Variants in JARID2 observed in about 807,000 individuals in gnomAD.
JARID2 encodes the protein jumonji and AT-rich interaction domain containing 2.
A neutral mutation model predicts 125.6 loss-of-function variants in JARID2; 21 were observed. That is an observed-to-expected ratio of 0.17 (90% CI 0.12 to 0.24). The LOEUF is 0.24. JARID2 is among the 10% of genes least tolerant of loss of function. The probability of loss-of-function intolerance (pLI) is 1.00; values close to 1 mark genes in which losing one functional copy is unlikely to be tolerated. For missense variants in JARID2, 1,303 were observed against 1,639.6 expected (o/e 0.79, Z 3.55); for synonymous variants, 736 against 661.6 (o/e 1.11, Z -1.73).
At chr6:15,464,044 G>A (rs1035707625) in intron 4 of JARID2, among the ~76,000 whole-genome samples, 4 of 152,168 alleles carry the variant, frequency 2.6e-5, no homozygotes, top group Middle Eastern at 3.4e-3. Context: ...TAGATGCTTT[G>A]TGTCTTATGC....
intron 8 of JARID2, 113 bp downstream of exon 8, chr6:15,501,522 T>TAAAG: frequency 9.4e-7 from 1 of 1,058,836 alleles, no homozygotes; most frequent in Non-Finnish European, 1.3e-6. Flanking sequence ...CCTGGGGTGA[T>TAAAG]GAGGGGGCGG....
chr6:15,250,569 A>T (rs1417534345), intron 1 of JARID2, among the ~76,000 whole-genome samples: 1 of 152,238 alleles, frequency 6.6e-6, no homozygotes. Flanking sequence ...GACACAATGA[A>T]GTCCAAAGTG....
At chr6:15,514,393 G>T (rs937494236) in intron 16 of JARID2, among the ~76,000 whole-genome samples, 4 of 152,236 alleles carry the variant, frequency 2.6e-5, no homozygotes, top group Non-Finnish European at 4.4e-5. Flanking sequence ...CCTAGCTTAG[G>T]AGGTGCCCAC....
intron 1 of JARID2, among the ~76,000 whole-genome samples, chr6:15,371,883 C>G (rs899730391): frequency 6.6e-6 from 1 of 152,158 alleles, no homozygotes; most frequent in Non-Finnish European, 1.5e-5. Flanking sequence ...GGATGTACCT[C>G]CTTCTTCTAG....
chr6:15,434,419 A>G (rs1767115788), intron 3 of JARID2, among the ~76,000 whole-genome samples: 1 of 152,082 alleles, frequency 6.6e-6, no homozygotes, highest in African/African-American at 2.4e-5. Flanking sequence ...GGGGAGAGAG[A>G]TTTTCAGAAA....
chr6:15,393,102 C>T (rs1336512442), intron 2 of JARID2, among the ~76,000 whole-genome samples: 2 of 152,164 alleles, frequency 1.3e-5, no homozygotes, highest in East Asian at 3.9e-4. Flanking sequence ...TGAAATTCTT[C>T]CTGTGTATCC....
At chr6:15,308,589 T>A (rs1258832131) in intron 1 of JARID2, among the ~76,000 whole-genome samples, 1 of 152,202 alleles carries the variant, frequency 6.6e-6, no homozygotes, top group Non-Finnish European at 1.5e-5. Context: ...CTGAATACCT[T>A]CCTTCCTTAA....
At chr6:15,352,291 A>G (rs1763456139) in intron 1 of JARID2, among the ~76,000 whole-genome samples, 1 of 152,044 alleles carries the variant, frequency 6.6e-6, no homozygotes, top group Non-Finnish European at 1.5e-5. Flanking sequence ...CTCTCTTGTT[A>G]AGAAACTATG....
intron 3 of JARID2, among the ~76,000 whole-genome samples, chr6:15,446,627 A>ATCCCATACAC (rs112401476): frequency 6.6e-5 from 10 of 152,166 alleles, no homozygotes; most frequent in South Asian, 2.1e-4. Context: ...ACTCTATGGG[A>ATCCCATACAC]TCCCATACAC....
chr6:15,359,511 C>A (rs1190144365), intron 1 of JARID2, among the ~76,000 whole-genome samples: 1 of 152,118 alleles, frequency 6.6e-6, no homozygotes, highest in Non-Finnish European at 1.5e-5. Flanking sequence ...TTTTTAGCTA[C>A]CCGCGTGGGC....
At chr6:15,504,133 C>CTGTT (rs139096317) in intron 8 of JARID2, among the ~76,000 whole-genome samples, 23,005 of 152,260 alleles carry the variant, frequency 0.15, 1,911 homozygotes, top group Middle Eastern at 0.2. Flanking sequence ...CGCTGGCCCG[C>CTGTT]AGCAGCCTTT....
chr6:15,369,297 AT>A, intron 1 of JARID2: 1 of 459,298 alleles, frequency 2.2e-6, no homozygotes, highest in Non-Finnish European at 4.5e-6. Context: ...TTTTTTACTA[AT>A]TTTAGTAAAT....
In JARID2 at chr6:15,465,521, C is replaced by T. The variant is rs562304588; in HGVS notation, c.494-3021C>T. Among the ~76,000 whole-genome samples the T allele has an allele frequency of 1.8e-4, 28 of 151,442 alleles. No individual in the cohort carries two copies. The South Asian group carries it at 3.7e-3, about 20-fold the overall frequency. On this transcript the variant is annotated intron_variant, in intron 4 of 17. Coordinates refer to ENST00000341776, the MANE Select transcript of JARID2 (RefSeq NM_004973.4). ...GAACTGAGCGTCTAGATATTTTCTC[C>T]ATTTTAGTTCTTTGCAACATAAACT...
chr6:15,278,261 C>T (rs1464350399), intron 1 of JARID2, among the ~76,000 whole-genome samples: 5 of 150,078 alleles, frequency 3.3e-5, no homozygotes, highest in Admixed American at 6.6e-5. Flanking sequence ...GTGAGCTGGG[C>T]GCCGTGGCTC....
chr6:15,455,336 G>T (rs1768113629), intron 4 of JARID2, among the ~76,000 whole-genome samples: 3 of 151,998 alleles, frequency 2.0e-5, no homozygotes, highest in East Asian at 3.9e-4. Context: ...ACATGTAAGT[G>T]ATCAGATGAG....
intron 1 of JARID2, among the ~76,000 whole-genome samples, chr6:15,361,134 G>A (rs1371465347): frequency 6.6e-6 from 1 of 152,172 alleles, no homozygotes; most frequent in Non-Finnish European, 1.5e-5. Context: ...ACCTTTGGAT[G>A]TATTCGACTC....
rs553380235 is a variant in JARID2, at chr6:15,246,333, C to G, written c.-207C>G. On this transcript the variant is annotated 5_prime_UTR_variant, in exon 1 of 18. Coordinates refer to ENST00000341776, the MANE Select transcript of JARID2 (RefSeq NM_004973.4). ...TGAATTTTTTTTTGTTTGCTTCGTT[C>G]GTCTTTGGCTCTTTTTTTTTCCTTC... The G allele has an allele frequency of 5.5e-6, 3 of 541,858 alleles. No homozygotes were observed. In the South Asian group the frequency reaches 7.3e-5, roughly 13 times the overall value. 33.6% of individuals were successfully genotyped at this position (541,858 alleles called of 1,614,324 possible). A position where few individuals can be genotyped will look rare whatever the true frequency, so the allele number is the denominator to read the frequency against.
intron 2 of JARID2, among the ~76,000 whole-genome samples, chr6:15,408,872 C>T (rs1222305909): frequency 6.6e-6 from 1 of 152,128 alleles, no homozygotes; most frequent in Non-Finnish European, 1.5e-5. Context: ...CTTCTTTTGC[C>T]CTCACAGTGC....
chr6:15,416,086 G>A (rs1326259246), intron 3 of JARID2, among the ~76,000 whole-genome samples: 1 of 150,602 alleles, frequency 6.6e-6, no homozygotes, highest in Non-Finnish European at 1.5e-5. Context: ...CATCTCAGAC[G>A]ATGGGCGGCT....
Sources: allele counts gnomAD v4.1 joint callset (sites outside exome capture counted in the v4.1 genomes callset), GRCh38; gene constraint gnomAD v4.1.1; transcripts MANE v1.5; gene names NCBI Gene and HGNC (gene_info 2026-07-23, HGNC 2026-07-21).